The following RERE variants were observed in gnomAD, a reference collection of about 807,000 sequenced individuals.
RERE encodes the protein arginine-glutamic acid dipeptide repeats protein.
In RERE, 40 loss-of-function variants were observed where a neutral mutation model predicts 146.1. The ratio of observed to expected loss-of-function variants is 0.27; its 90% CI spans 0.21 to 0.36. RERE has a LOEUF of 0.36. Among genes scored for constraint, RERE ranks in the 10% least tolerant of loss-of-function variants. The pLI is 1.00. For missense variants in RERE, 1,933 were observed against 2,138.7 expected (o/e 0.90, Z 1.90); for synonymous variants, 1,003 against 866.0 (o/e 1.16, Z -2.78).
intron 9 of RERE, among the ~76,000 whole-genome samples, chr1:8,495,898 G>GGT (rs1395756248): frequency 6.6e-6 from 1 of 152,080 alleles, no homozygotes; most frequent in Non-Finnish European, 1.5e-5. Flanking sequence ...ATCATGGCTG[G>GGT]GTGTGATGGC....
At chr1:8,388,408 T>C (rs1570117801) in intron 12 of RERE, among the ~76,000 whole-genome samples, 1 of 151,928 alleles carries the variant, frequency 6.6e-6, no homozygotes, top group South Asian at 2.1e-4. Flanking sequence ...CAAGCTCCGC[T>C]TCCCGGGTTC....
intron 1 of RERE, among the ~76,000 whole-genome samples, chr1:8,746,469 GA>G (rs896399414): frequency 6.6e-6 from 1 of 151,012 alleles, no homozygotes; most frequent in African/African-American, 2.4e-5. Flanking sequence ...ACCAGAAGAA[GA>G]AAAAAAATAC....
At chr1:8,677,825 C>T (rs1638877619) in intron 1 of RERE, among the ~76,000 whole-genome samples, 1 of 152,200 alleles carries the variant, frequency 6.6e-6, no homozygotes, top group Non-Finnish European at 1.5e-5. Flanking sequence ...CTAGCAGATA[C>T]AAGATGCTCA....
intron 1 of RERE, among the ~76,000 whole-genome samples, chr1:8,814,216 A>C (rs961574092): frequency 2.0e-5 from 3 of 152,258 alleles, no homozygotes; most frequent in African/African-American, 4.8e-5. Context: ...TCCTAGAAGC[A>C]GTCAGTCTGG....
chr1:8,585,533 C>CATG (rs1368008719), intron 4 of RERE, among the ~76,000 whole-genome samples: 1 of 152,116 alleles, frequency 6.6e-6, no homozygotes, highest in Non-Finnish European at 1.5e-5. Context: ...TGCTGCAAGA[C>CATG]ATGTACAAGA....
intron 11 of RERE, among the ~76,000 whole-genome samples, chr1:8,442,098 G>A (rs183905092): frequency 2.6e-5 from 4 of 152,216 alleles, no homozygotes; most frequent in African/African-American, 9.6e-5. Context: ...TTTAAAAAAT[G>A]AACTTGTCGG....
intron 1 of RERE, among the ~76,000 whole-genome samples, chr1:8,703,789 A>ACC (rs1639509449): frequency 6.6e-6 from 1 of 152,232 alleles, no homozygotes; most frequent in Non-Finnish European, 1.5e-5. Context: ...CGTCTAATAA[A>ACC]TGCAGATGAA....
chr1:8,800,662 G>A (rs935343689), intron 1 of RERE, among the ~76,000 whole-genome samples: 2 of 151,854 alleles, frequency 1.3e-5, no homozygotes, highest in African/African-American at 4.8e-5. Flanking sequence ...GAGAGATTCC[G>A]TCTCTAAAAA....
In RERE at chr1:8,358,925, G is replaced by A. The variant is rs113561982; in HGVS notation, c.3619-9C>T. On this transcript the variant is annotated splice_polypyrimidine_tract_variant and intron_variant, in intron 19 of 22. Coordinates refer to ENST00000400908, the MANE Select transcript of RERE (RefSeq NM_001042681.2). ...GCTGAGCTGGACGCCTTCTGCAGAA[G>A]GAAAAGAAAGCGTGAGGGGTCCCCC... 3.3e-6 allele frequency: 5 copies of A among 1,512,314 alleles called. No homozygotes were observed. The African/African-American group carries it at 4.2e-5, about 13-fold the overall frequency. 93.7% of individuals were successfully genotyped at this position (1,512,314 alleles called of 1,614,324 possible).
At chr1:8,719,120 C>T (rs1480977946) in intron 1 of RERE, among the ~76,000 whole-genome samples, 1 of 152,184 alleles carries the variant, frequency 6.6e-6, no homozygotes, top group Non-Finnish European at 1.5e-5. Context: ...GTTACTATCA[C>T]TGCTACATTA....
At chr1:8,588,072 C>G (rs1646448763) in intron 4 of RERE, among the ~76,000 whole-genome samples, 1 of 152,140 alleles carries the variant, frequency 6.6e-6, no homozygotes, top group South Asian at 2.1e-4. Context: ...AGCCTGAAGC[C>G]ACAGCAGTAA....
At chr1:8,715,201 T>C (rs1639740868) in intron 1 of RERE, among the ~76,000 whole-genome samples, 1 of 150,474 alleles carries the variant, frequency 6.6e-6, no homozygotes, top group South Asian at 2.2e-4. Flanking sequence ...TATAACAATA[T>C]ATACATGCCT....
intron 1 of RERE, among the ~76,000 whole-genome samples, chr1:8,766,087 T>A (rs1189465859): frequency 6.6e-6 from 1 of 152,132 alleles, no homozygotes; most frequent in Non-Finnish European, 1.5e-5. Flanking sequence ...CACTCCAGCC[T>A]GGGCAACAAT....
intron 2 of RERE, among the ~76,000 whole-genome samples, chr1:8,650,725 C>T (rs544764576): frequency 7.9e-5 from 12 of 151,976 alleles, no homozygotes; most frequent in Middle Eastern, 3.4e-3. Context: ...GGTGAAACCC[C>T]GTCTCTACTA....
At chr1:8,694,973 AGGGGGGGGG>A (rs57215572) in intron 1 of RERE, among the ~76,000 whole-genome samples, 1 of 33,190 alleles carries the variant, frequency 3.0e-5, no homozygotes, top group Non-Finnish European at 5.5e-5. Flanking sequence ...AGAAATCCTA[AGGGGGGGGG>A]GGGAATGCTG....
chr1:8,357,132 T>C (rs915546307), intron 20 of RERE, among the ~76,000 whole-genome samples: 14 of 152,206 alleles, frequency 9.2e-5, no homozygotes, highest in Admixed American at 6.5e-5. Context: ...GGCACACGTC[T>C]TTCAACTATC....
At chr1:8,550,030 A>G (rs1350264868) in intron 6 of RERE, among the ~76,000 whole-genome samples, 3 of 152,224 alleles carry the variant, frequency 2.0e-5, no homozygotes, top group Admixed American at 1.3e-4. Context: ...TGAAAATCAA[A>G]GAGAATCTTT....
At chr1:8,608,245 G>A (rs1646746490) in intron 4 of RERE, among the ~76,000 whole-genome samples, 1 of 152,308 alleles carries the variant, frequency 6.6e-6, no homozygotes, top group East Asian at 1.9e-4. Context: ...AAGTGGCTTT[G>A]TAATCTTAGC....
chr1:8,475,233 G>T (rs940645512), intron 10 of RERE, among the ~76,000 whole-genome samples: 2 of 150,878 alleles, frequency 1.3e-5, no homozygotes, highest in East Asian at 2.0e-4. Context: ...AATTAGCCGG[G>T]TGTGGTGGCG....
Sources: allele counts gnomAD v4.1 joint callset (sites outside exome capture counted in the v4.1 genomes callset), GRCh38; gene constraint gnomAD v4.1.1; transcripts MANE v1.5; gene names NCBI Gene and HGNC (gene_info 2026-07-23, HGNC 2026-07-21).